The following PRICKLE2 variants were observed in gnomAD, a reference collection of about 807,000 sequenced individuals.
PRICKLE2 encodes the protein prickle planar cell polarity protein 2, also known as prickle-like protein 2.
PRICKLE2 carries 21 observed loss-of-function variants against 81.4 expected under a neutral mutation model. The ratio of observed to expected loss-of-function variants is 0.26; its 90% confidence interval spans 0.18 to 0.37. The LOEUF is 0.37. Among genes scored for constraint, PRICKLE2 ranks in the 10% least tolerant of loss-of-function variants. The pLI is 1.00. For synonymous variants in PRICKLE2, 456 were observed against 421.5 expected, an observed-to-expected ratio of 1.08 and a Z score of -1.00; for missense variants, 940 against 1,109.0, an observed-to-expected ratio of 0.85 and a Z score of 2.16.
upstream of PRICKLE2, chr3:64,225,518 G>T (rs1049368977): frequency 2.2e-6 from 2 of 915,368 alleles, no homozygotes; most frequent in South Asian, 5.0e-5. Context: ...AGTCAGTCAC[G>T]GCATCTGGAC....
intron 1 of PRICKLE2, among the ~76,000 whole-genome samples, chr3:64,210,112 C>T (rs146315236): frequency 1.3e-5 from 2 of 152,226 alleles, no homozygotes; most frequent in East Asian, 3.9e-4. Flanking sequence ...TCCCAAAGCC[C>T]AAGCACAGAT....
At chr3:64,130,725 C>T (rs1291595505) in intron 7 of PRICKLE2, among the ~76,000 whole-genome samples, 1 of 152,152 alleles carries the variant, frequency 6.6e-6, no homozygotes, top group East Asian at 1.9e-4. Context: ...TATTGTCTGA[C>T]TGGTAGAATT....
chr3:64,196,737 G>C (rs528340271), intron 2 of PRICKLE2, among the ~76,000 whole-genome samples: 1 of 152,148 alleles, frequency 6.6e-6, no homozygotes, highest in South Asian at 2.1e-4. Context: ...TCACAAAACG[G>C]AAGTGCCTGT....
At chr3:64,181,489 T>A (rs983268518) in intron 2 of PRICKLE2, among the ~76,000 whole-genome samples, 10 of 152,182 alleles carry the variant, frequency 6.6e-5, no homozygotes, top group African/African-American at 2.4e-4. Flanking sequence ...TTAGTTTTGG[T>A]TATCTATTAT....
At chr3:64,123,806 G>A (rs2077065859) in intron 7 of PRICKLE2, among the ~76,000 whole-genome samples, 1 of 152,148 alleles carries the variant, frequency 6.6e-6, no homozygotes, top group Non-Finnish European at 1.5e-5. Context: ...CTGCTCCACT[G>A]ACCCACCATT....
chr3:64,266,941 T>TA (rs5849583), intron 2 of PRICKLE2, among the ~76,000 whole-genome samples: 32,825 of 105,766 alleles, frequency 0.31, 4,267 homozygotes, highest in African/African-American at 0.46. Flanking sequence ...TGCCTCATCT[T>TA]AAAAAAAAAA....
At chr3:64,119,650 G>C (rs1224318410) in intron 7 of PRICKLE2, among the ~76,000 whole-genome samples, 1 of 152,118 alleles carries the variant, frequency 6.6e-6, no homozygotes, top group Non-Finnish European at 1.5e-5. Context: ...GCAGCTTGGA[G>C]ATTTCTCAAA....
Position 64,198,900 on chromosome 3 carries a change from C to T in PRICKLE2, c.28G>A (p.Glu10Lys). The change falls in exon 2 of 8, where the codon GAG becomes AAG. Residue 10 changes from glutamate to lysine, a missense_variant. By Grantham distance (56) the Glu-to-Lys change is moderately conservative. This residue lies in a region of PRICKLE2 where 270 missense variants were observed against 391.8 expected (regional missense o/e 0.69). Transcript: ENST00000638394. The stretch of plus-strand genomic sequence containing the variant: ...AACATGAGTTTGCTGATGGTCTTCT[C>T]CATCTCCAGCGGCATCACTGTCACC... MVTVMPLEM[E>K]KTISKLMFDF... is the part of the protein sequence containing the mutation. 6.2e-7 allele frequency: 1 copy of T among 1,614,216 alleles called. No homozygotes were observed. Among genetic ancestry groups the T allele is most frequent in the Non-Finnish European group, 8.5e-7 (1 of 1,180,046 alleles).
At chr3:64,241,709 T>C (rs181098577) in intron 2 of PRICKLE2, among the ~76,000 whole-genome samples, 34 of 152,284 alleles carry the variant, frequency 2.2e-4, no homozygotes, top group Admixed American at 2.2e-3. Flanking sequence ...TTTCTTCCTG[T>C]GTCCTGCTGC....
intron 7 of PRICKLE2, among the ~76,000 whole-genome samples, chr3:64,113,494 T>C (rs149661975): frequency 4.0e-4 from 61 of 152,244 alleles, no homozygotes; most frequent in Admixed American, 2.0e-3. Flanking sequence ...AGAAGTCCAG[T>C]GAGGTGTGGC....
chr3:64,155,592 G>T (rs111964114), intron 5 of PRICKLE2, among the ~76,000 whole-genome samples: 1 of 152,234 alleles, frequency 6.6e-6, no homozygotes, highest in East Asian at 1.9e-4. Flanking sequence ...TCATAGCAGC[G>T]TTGTTTAGAG....
At chr3:64,207,957 C>T (rs946003968) in intron 1 of PRICKLE2, among the ~76,000 whole-genome samples, 5 of 152,226 alleles carry the variant, frequency 3.3e-5, no homozygotes, top group Non-Finnish European at 7.3e-5. Context: ...AGCGGCCTGA[C>T]TTACTCCATC....
intron 7 of PRICKLE2, among the ~76,000 whole-genome samples, chr3:64,124,459 A>G (rs1069977): frequency 0.86 from 130,775 of 152,214 alleles, 56,255 homozygotes; most frequent in East Asian, 0.99. Flanking sequence ...AGTCTTCAAC[A>G]GAGAAGATAC....
chr3:64,115,737 C>A (rs2076923975), intron 7 of PRICKLE2, among the ~76,000 whole-genome samples: 1 of 152,126 alleles, frequency 6.6e-6, no homozygotes, highest in African/African-American at 2.4e-5. Flanking sequence ...TAGACTCCCA[C>A]ACAATAATAG....
chr3:64,233,864 C>T (rs1339539095), intron 2 of PRICKLE2, among the ~76,000 whole-genome samples: 2 of 152,172 alleles, frequency 1.3e-5, no homozygotes, highest in East Asian at 3.9e-4. Context: ...CCTAGGCAAA[C>T]ACTAATCTAC....
intron 1 of PRICKLE2, among the ~76,000 whole-genome samples, chr3:64,215,425 T>C (rs1469778180): frequency 1.3e-5 from 2 of 152,296 alleles, no homozygotes; most frequent in East Asian, 3.9e-4. Context: ...TTTTATTTGT[T>C]GGTGTGTCTA....
intron 1 of PRICKLE2, 199 bp from the exon 2 acceptor site, chr3:64,199,166 T>C (rs930753433): frequency 1.9e-5 from 12 of 623,032 alleles, no homozygotes; most frequent in Admixed American, 8.2e-5. Flanking sequence ...GAAAACAGCA[T>C]GAAAGGTCAG....
intron 1 of PRICKLE2, among the ~76,000 whole-genome samples, chr3:64,209,236 A>G (rs1357794588): frequency 6.6e-6 from 1 of 151,762 alleles, no homozygotes; most frequent in African/African-American, 2.4e-5. Context: ...TCACCCATCT[A>G]TCCATTCATT....
chr3:64,178,973 T>TTCTTTC (rs1213697358), intron 2 of PRICKLE2, among the ~76,000 whole-genome samples: 1 of 84,452 alleles, frequency 1.2e-5, no homozygotes, highest in African/African-American at 5.0e-5. Context: ...TTTTCTTTCT[T>TTCTTTC]TCTTTCTTTC....
Sources: gnomAD v4.1 joint callset for allele counts (sites outside exome capture counted in the v4.1 genomes callset) on GRCh38, gnomAD v4.1.1 for gene constraint, gnomAD v4.1.1 regional missense constraint, MANE v1.5 for transcripts, NCBI Gene and HGNC (gene_info 2026-07-23, HGNC 2026-07-21) for gene names.